Variants in NRG1 observed in about 807,000 individuals in gnomAD.
NRG1 encodes the protein neuregulin 1.
A neutral mutation model predicts 63.8 loss-of-function variants in NRG1; 18 were observed. The observed-to-expected ratio is 0.28, with a 90% CI of 0.19 to 0.42. The LOEUF (loss-of-function observed/expected upper bound fraction) is 0.42. Among genes scored for constraint, NRG1 ranks in the 10% least tolerant of loss-of-function variants. The pLI is 1.00. For missense variants in NRG1, 762 were observed against 814.7 expected, an observed-to-expected ratio of 0.94 and a Z score of 0.79; for synonymous variants, 302 against 301.3, an observed-to-expected ratio of 1.00 and a Z score of -0.02.
intron 1 of NRG1, among the ~76,000 whole-genome samples, chr8:32,289,746 A>G (rs1269329292): frequency 6.6e-6 from 1 of 152,204 alleles, no homozygotes; most frequent in Non-Finnish European, 1.5e-5. Context: ...ATATTTGAAT[A>G]GCTCATCAAT....
intron 1 of NRG1, among the ~76,000 whole-genome samples, chr8:32,083,353 T>C (rs1827761865): frequency 1.3e-5 from 2 of 152,204 alleles, no homozygotes. Context: ...GCCTTGCAAC[T>C]CTACTTCGGT....
intron 1 of NRG1, among the ~76,000 whole-genome samples, chr8:31,922,422 T>A (rs1833993931): frequency 6.6e-6 from 1 of 152,172 alleles, no homozygotes; most frequent in Non-Finnish European, 1.5e-5. Context: ...CAGCCCTCAT[T>A]TGATTTTCTT....
At chr8:32,504,945 A>G (rs1440067764) in intron 1 of NRG1, among the ~76,000 whole-genome samples, 1 of 152,194 alleles carries the variant, frequency 6.6e-6, no homozygotes, top group Non-Finnish European at 1.5e-5. Flanking sequence ...ATATTTCCTT[A>G]GGTGTTTACA....
At chr8:31,882,651 A>G (rs192528037) in intron 1 of NRG1, among the ~76,000 whole-genome samples, 1 of 152,266 alleles carries the variant, frequency 6.6e-6, no homozygotes, top group East Asian at 1.9e-4. Context: ...TCATGATTCA[A>G]GGGAGGAGGT....
intron 1 of NRG1, among the ~76,000 whole-genome samples, chr8:31,672,015 A>G (rs1389497135): frequency 6.6e-6 from 1 of 152,158 alleles, no homozygotes; most frequent in Non-Finnish European, 1.5e-5. Flanking sequence ...ATTGAATGTC[A>G]CTATTATAAG....
At chr8:31,991,378 C>CTTCTTCTTCTGCT (rs1554594927) in intron 1 of NRG1, among the ~76,000 whole-genome samples, 7 of 149,262 alleles carry the variant, frequency 4.7e-5, no homozygotes, top group Non-Finnish European at 7.4e-5. Context: ...CCTCCTCCTC[C>CTTCTTCTTCTGCT]TCTTCTTCTG....
intron 1 of NRG1, among the ~76,000 whole-genome samples, chr8:31,748,420 T>A (rs866363293): frequency 6.6e-6 from 1 of 152,060 alleles, no homozygotes; most frequent in Middle Eastern, 3.4e-3. Context: ...ATTGGGCCAA[T>A]GTTTGAACCA....
chr8:32,011,718 G>T (rs948723458), intron 1 of NRG1, among the ~76,000 whole-genome samples: 2 of 152,080 alleles, frequency 1.3e-5, no homozygotes, highest in Non-Finnish European at 2.9e-5. Context: ...TAGAAAGTCA[G>T]GAGAACAGGG....
intron 5 of NRG1, among the ~76,000 whole-genome samples, chr8:32,663,517 A>G (rs1479870073): frequency 1.3e-5 from 2 of 152,114 alleles, no homozygotes; most frequent in Non-Finnish European, 2.9e-5. Context: ...TAAGCTGTCA[A>G]TTTTCTATAT....
intron 1 of NRG1, among the ~76,000 whole-genome samples, chr8:31,700,285 A>T (rs1810501188): frequency 6.6e-6 from 1 of 152,062 alleles, no homozygotes; most frequent in Non-Finnish European, 1.5e-5. Context: ...TCCTGATGTT[A>T]GTGTCTGGGT....
intron 1 of NRG1, among the ~76,000 whole-genome samples, chr8:31,919,142 TC>T (rs1833678237): frequency 6.6e-6 from 1 of 152,146 alleles, no homozygotes; most frequent in Admixed American, 6.6e-5. Context: ...GTTGATCCTT[TC>T]AAAAAACCAG....
chr8:32,326,065 A>G (rs1238089120), intron 1 of NRG1, among the ~76,000 whole-genome samples: 1 of 149,360 alleles, frequency 6.7e-6, no homozygotes, highest in Non-Finnish European at 1.5e-5. Flanking sequence ...GGCTGGGTGC[A>G]ATGGCGTGAT....
At chr8:32,008,215 T>C (rs907485010) in intron 1 of NRG1, among the ~76,000 whole-genome samples, 2 of 151,954 alleles carry the variant, frequency 1.3e-5, no homozygotes. Flanking sequence ...ATATATTTAT[T>C]AGAGTACGCT....
intron 1 of NRG1, among the ~76,000 whole-genome samples, chr8:32,469,262 T>C (rs1249455640): frequency 1.3e-5 from 2 of 152,142 alleles, no homozygotes; most frequent in South Asian, 2.1e-4. Context: ...GTTTAGTACA[T>C]GTACAGCAGA....
At chr8:32,626,131 T>A (rs1441020585) in intron 5 of NRG1, among the ~76,000 whole-genome samples, 1 of 152,060 alleles carries the variant, frequency 6.6e-6, no homozygotes, top group Non-Finnish European at 1.5e-5. Flanking sequence ...GAATAGATAA[T>A]AACCAGGTCC....
intron 1 of NRG1, among the ~76,000 whole-genome samples, chr8:32,143,625 A>G (rs973861250): frequency 2.6e-4 from 39 of 152,250 alleles, no homozygotes; most frequent in Admixed American, 1.4e-3. Context: ...TCTGGGATCA[A>G]CATAAGAACA....
chr8:32,442,874 A>G (rs1311948087), intron 1 of NRG1: 1 of 152,134 alleles, frequency 6.6e-6, no homozygotes, highest in African/African-American at 2.4e-5. Context: ...GTGAAGTTTA[A>G]TAACTACCCA....
chr8:32,157,516 G>A lies in NRG1; in HGVS notation c.38-438312G>A, dbSNP rs905683227. ...CTCTACTAAAAATACAAAATTAGCC[G>A]GGCGTGGTGGTACATGCCTGTAATC... is the stretch of plus-strand genomic sequence containing the variant. On this transcript the variant is annotated intron_variant, in intron 1 of 10. Transcript: ENST00000519301. Among the ~76,000 whole-genome samples the A allele has an allele frequency of 3.3e-5, 5 of 151,314 alleles. No homozygotes were observed. In the South Asian group the frequency reaches 8.3e-4, roughly 25 times the overall value.
intron 1 of NRG1, among the ~76,000 whole-genome samples, chr8:31,643,419 G>A (rs185860942): frequency 5.1e-4 from 77 of 152,330 alleles, no homozygotes; most frequent in African/African-American, 1.7e-3. Context: ...CAACAGATTA[G>A]CCTTAGGGTT....
Sources: gnomAD v4.1 joint callset for allele counts (sites outside exome capture counted in the v4.1 genomes callset) on GRCh38, gnomAD v4.1.1 for gene constraint, MANE v1.5 for transcripts, NCBI Gene and HGNC (gene_info 2026-07-23, HGNC 2026-07-21) for gene names.